ACTR3C: variants seen among roughly 807,000 people sequenced by gnomAD.
The protein encoded by ACTR3C is actin-related protein 3C.
ACTR3C carries 18 observed loss-of-function variants against 26.3 expected under a neutral mutation model. The ratio of observed to expected loss-of-function variants is 0.68; its 90% CI spans 0.47 to 1.01. The LOEUF (loss-of-function observed/expected upper bound fraction) is 1.01, where lower values mean the gene tolerates loss of function less well. Among genes scored for constraint, ACTR3C ranks in the 50% least tolerant of loss-of-function variants. The probability of loss-of-function intolerance (pLI) is 0.00; values close to 1 mark genes in which losing one functional copy is unlikely to be tolerated. For missense variants in ACTR3C, 184 were observed against 250.7 expected, an observed-to-expected ratio of 0.73 and a Z score of 1.80; for synonymous variants, 55 against 94.5, an observed-to-expected ratio of 0.58 and a Z score of 2.42.
At chr7:150,296,994 G>C (rs1182207355) in intron 1 of ACTR3C, among the ~76,000 whole-genome samples, 1 of 151,740 alleles carries the variant, frequency 6.6e-6, no homozygotes, top group Non-Finnish European at 1.5e-5. Flanking sequence ...CTCCAGAACT[G>C]TGAGAAAACA....
At chr7:150,159,011 A>G in the ACTR3C span, among the ~76,000 whole-genome samples, 1 of 132,484 alleles carries the variant, frequency 7.5e-6, no homozygotes, top group Non-Finnish European at 1.6e-5. Flanking sequence ...ACGCACATTC[A>G]GCACACACAC....
Position 150,273,721 on chromosome 7 carries a change from A to G in ACTR3C, c.564+11032T>C, listed in dbSNP as rs185974389. 3.2e-4 allele frequency among the ~76,000 whole-genome samples: 49 copies of G among 151,614 alleles called. No individual in the cohort carries two copies. In the East Asian group the frequency reaches 8.5e-3, roughly 26 times the overall value. On this transcript the variant is annotated intron_variant, in intron 6 of 7. Coordinates refer to ENST00000683684, the MANE Select transcript of ACTR3C (RefSeq NM_001164458.2). ...TAAAGTCAAACCCCCCAGACAGCAG[A>G]CAAAGGCCCCTCAGGTCTCACCCCA... is the stretch of plus-strand genomic sequence containing the variant.
intron 6 of ACTR3C, among the ~76,000 whole-genome samples, chr7:150,254,322 G>C (rs1019065052): frequency 6.6e-6 from 1 of 152,158 alleles, no homozygotes; most frequent in Non-Finnish European, 1.5e-5. Context: ...ACACATGGCA[G>C]AATCAAGTAT....
At chr7:150,041,563 T>G in the ACTR3C span, 4 of 120,206 alleles carry the variant, frequency 3.3e-5, no homozygotes, top group Non-Finnish European at 5.5e-5. Context: ...GCCTCCCCCC[T>G]CTGCGATGGG....
chr7:150,047,938 G>A, the ACTR3C span: 7 of 1,240,448 alleles, frequency 5.6e-6, no homozygotes, highest in Admixed American at 1.1e-4. Context: ...CCCCGCTCCA[G>A]ATTAAAAAAA....
intron 3 of ACTR3C, among the ~76,000 whole-genome samples, chr7:150,289,998 C>A (rs1203908786): frequency 1.3e-5 from 2 of 152,038 alleles, no homozygotes; most frequent in African/African-American, 4.8e-5. Context: ...AATCTACTTA[C>A]GTTTAAAAGT....
intron 6 of ACTR3C, among the ~76,000 whole-genome samples, chr7:150,258,848 G>GA (rs1833422104): frequency 2.6e-5 from 4 of 151,648 alleles, no homozygotes; most frequent in South Asian, 4.2e-4. Context: ...ACAGATCCTG[G>GA]AAAAAGACTA....
the ACTR3C span, among the ~76,000 whole-genome samples, chr7:149,894,495 A>C: frequency 6.6e-6 from 1 of 152,248 alleles, no homozygotes; most frequent in African/African-American, 2.4e-5. Flanking sequence ...TATCTACCTG[A>C]CAAAAGATTA....
At chr7:150,043,698 G>C in the ACTR3C span, among the ~76,000 whole-genome samples, 2 of 152,230 alleles carry the variant, frequency 1.3e-5, no homozygotes, top group African/African-American at 2.4e-5. Flanking sequence ...GGTGATGAGA[G>C]TAATGGGATC....
chr7:150,132,252 C>T, the ACTR3C span, among the ~76,000 whole-genome samples: 1 of 152,304 alleles, frequency 6.6e-6, no homozygotes, highest in East Asian at 1.9e-4. Flanking sequence ...TGAAGTTTCT[C>T]TTTTGAGGTG....
rs1472166426 is a variant in ACTR3C, at chr7:150,274,870, G to A, written c.564+9883C>T. 6.6e-6 allele frequency among the ~76,000 whole-genome samples: 1 copy of A among 152,210 alleles called. No homozygotes were observed. The highest frequency in any genetic ancestry group is 2.4e-5 in the African/African-American group (1 of 41,454). ...GTGATCCCTTATCACTTTTGATACA[G>A]TGTGAGAAATCAGCAGATCTCCTGG... On this transcript the variant is annotated intron_variant, in intron 6 of 7. Coordinates refer to ENST00000683684, the MANE Select transcript of ACTR3C (RefSeq NM_001164458.2). This position sits in a 1 kb window ranked among gnomAD's most constrained non-coding sequence, Gnocchi z 4.1.
chr7:150,084,333 T>C, the ACTR3C span, among the ~76,000 whole-genome samples: 3 of 152,186 alleles, frequency 2.0e-5, no homozygotes, highest in Admixed American at 6.5e-5. Context: ...ATTGCAGATA[T>C]AGCAAAAAAC....
the ACTR3C span, among the ~76,000 whole-genome samples, chr7:149,940,287 T>G: frequency 2.6e-5 from 4 of 151,948 alleles, no homozygotes; most frequent in South Asian, 8.3e-4. Flanking sequence ...CAATTATATG[T>G]GTTTGTCTGT....
chr7:150,058,316 G>A, the ACTR3C span, among the ~76,000 whole-genome samples: 10 of 152,220 alleles, frequency 6.6e-5, no homozygotes, highest in East Asian at 1.2e-3. Flanking sequence ...GTATTCTTCC[G>A]TCTTATTGGA....
chr7:150,275,817 T>C (rs2129611379), intron 6 of ACTR3C, among the ~76,000 whole-genome samples: 1 of 152,332 alleles, frequency 6.6e-6, no homozygotes, highest in South Asian at 2.1e-4. Context: ...AATTTTAGAT[T>C]GGAAATCATG....
At chr7:150,092,421 C>T in the ACTR3C span, among the ~76,000 whole-genome samples, 8 of 151,450 alleles carry the variant, frequency 5.3e-5, no homozygotes, top group South Asian at 2.1e-4. Context: ...GAGCTGCCCA[C>T]GGGTTCTCTG....
the ACTR3C span, among the ~76,000 whole-genome samples, chr7:150,006,874 T>C: frequency 6.6e-6 from 1 of 152,240 alleles, no homozygotes; most frequent in African/African-American, 2.4e-5. Flanking sequence ...TTTCAAAACA[T>C]ACTTCTCAAT....
intron 6 of ACTR3C, among the ~76,000 whole-genome samples, chr7:150,277,439 C>T (rs1834969705): frequency 1.3e-5 from 2 of 152,234 alleles, no homozygotes; most frequent in South Asian, 4.1e-4. Context: ...CAGGCTAAGG[C>T]CGTCTTGTCC....
the ACTR3C span, among the ~76,000 whole-genome samples, chr7:149,970,393 A>C: frequency 6.6e-6 from 1 of 152,038 alleles, no homozygotes; most frequent in African/African-American, 2.4e-5. Context: ...TGTTTAGCTG[A>C]TCTACCAAGA....
Sources: gnomAD v4.1 joint callset for allele counts (sites outside exome capture counted in the v4.1 genomes callset) on GRCh38, gnomAD v4.1.1 for gene constraint, Gnocchi (gnomAD v3.1) non-coding constraint, MANE v1.5 for transcripts, NCBI Gene and HGNC (gene_info 2026-07-23, HGNC 2026-07-21) for gene names.